INPP5D: variants seen among roughly 807,000 people sequenced by gnomAD.
The protein encoded by INPP5D is inositol polyphosphate-5-phosphatase D.
Under a neutral mutation model 122.9 loss-of-function variants are expected in INPP5D, and 33 were observed. The observed-to-expected ratio is 0.27, with a 90% CI of 0.20 to 0.36. The LOEUF is 0.36. Among genes scored for constraint, INPP5D ranks in the 10% least tolerant of loss-of-function variants. The pLI is 1.00. For synonymous variants in INPP5D, 584 were observed against 576.2 expected (o/e 1.01, Z -0.19); for missense variants, 1,053 against 1,412.7 (o/e 0.75, Z 4.08).
At chr2:233,116,950 G>T (rs1306571763) in intron 2 of INPP5D, among the ~76,000 whole-genome samples, 1 of 152,172 alleles carries the variant, frequency 6.6e-6, no homozygotes, top group African/African-American at 2.4e-5. Context: ...TCTTGGTTTT[G>T]TTCAAAATCA....
chr2:233,139,453 G>T (rs950710790), intron 5 of INPP5D, among the ~76,000 whole-genome samples: 1 of 143,884 alleles, frequency 7.0e-6, no homozygotes, highest in Non-Finnish European at 1.5e-5. Flanking sequence ...CCAGAAATTT[G>T]CATTGTTAAC....
Position 233,133,656 on chromosome 2 carries a change from G to A in INPP5D, c.665+3008G>A, listed in dbSNP as rs540359281. ...ATCTGAAATTCAAATTTCACTGGGT[G>A]TCCTGTGTTTTACCTGGTCACTGTA... On this transcript the variant is annotated intron_variant, in intron 5 of 26. Coordinates refer to ENST00000445964, the MANE Select transcript of INPP5D (RefSeq NM_001017915.3). Among the ~76,000 whole-genome samples the A allele has an allele frequency of 2.1e-4, 32 of 152,318 alleles. No homozygotes were observed. In the South Asian group the frequency reaches 6.2e-3, roughly 30 times the overall value.
At chr2:233,132,851 C>T (rs1239411005) in intron 5 of INPP5D, among the ~76,000 whole-genome samples, 1 of 150,896 alleles carries the variant, frequency 6.6e-6, no homozygotes, top group Non-Finnish European at 1.5e-5. Flanking sequence ...CAGTGAGGCA[C>T]ACAACAGTAG....
intron 2 of INPP5D, among the ~76,000 whole-genome samples, chr2:233,081,503 C>A (rs551889041): frequency 6.6e-6 from 1 of 152,194 alleles, no homozygotes; most frequent in Non-Finnish European, 1.5e-5. Flanking sequence ...CGGCACCCGC[C>A]GCCTGTAAAT....
At chr2:233,136,824 A>G (rs1481744041) in intron 5 of INPP5D, among the ~76,000 whole-genome samples, 11 of 152,250 alleles carry the variant, frequency 7.2e-5, no homozygotes, top group Admixed American at 6.5e-5. Context: ...TCAATTAAGA[A>G]AGTTTTAAAC....
intron 25 of INPP5D, among the ~76,000 whole-genome samples, chr2:233,203,902 G>A (rs369982636): frequency 5.9e-5 from 9 of 152,116 alleles, no homozygotes; most frequent in East Asian, 3.9e-4. Flanking sequence ...AGCCATGACC[G>A]CACCACTGCA....
Position 233,194,018 on chromosome 2 carries a change from C to T in INPP5D, c.2596+57C>T, listed in dbSNP as rs951470443. On this transcript the variant is annotated intron_variant, in intron 23 of 26. Coordinates refer to ENST00000445964, the MANE Select transcript of INPP5D (RefSeq NM_001017915.3). ...TCAGCCCCCCACTTAGGGACGGGAACGTGCTTTCTCTCAGCAAAGCTGTCG... is the reference window on the plus strand; with the variant it reads ...TCAGCCCCCCACTTAGGGACGGGAATGTGCTTTCTCTCAGCAAAGCTGTCG... 7.3e-6 allele frequency: 11 copies of T among 1,500,576 alleles called. No homozygotes were observed. In the South Asian group the frequency reaches 8.0e-5, roughly 11 times the overall value. The allele number at this position is 1,500,576 out of a possible 1,614,324, so 93.0% of individuals were successfully genotyped here. A position where few individuals can be genotyped will look rare whatever the true frequency, so the allele number is the denominator to read the frequency against.
chr2:233,200,472 T>A (rs1211624490), intron 25 of INPP5D, among the ~76,000 whole-genome samples: 1 of 152,208 alleles, frequency 6.6e-6, no homozygotes, highest in Non-Finnish European at 1.5e-5. Flanking sequence ...ACTGGTTTTT[T>A]CTTCATCCTT....
chr2:233,121,508 A>AATTTTATTTT (rs1692977542), intron 2 of INPP5D, among the ~76,000 whole-genome samples: 1 of 98,210 alleles, frequency 1.0e-5, no homozygotes, highest in Non-Finnish European at 2.3e-5. Context: ...GTATAAAAAT[A>AATTTTATTTT]CTTTTATTTT....
At chr2:233,179,240 T>G (rs1436832656) in intron 18 of INPP5D, among the ~76,000 whole-genome samples, 1 of 152,186 alleles carries the variant, frequency 6.6e-6, no homozygotes, top group East Asian at 1.9e-4. Context: ...TCCTCACTTG[T>G]GCATTCCCTC....
At chr2:233,162,009 A>G (rs1414818332) in intron 11 of INPP5D, among the ~76,000 whole-genome samples, 183 bp downstream of exon 11, 5 of 152,084 alleles carry the variant, frequency 3.3e-5, no homozygotes. Flanking sequence ...CCTTTTCCTG[A>G]GATGATGGGT....
intron 5 of INPP5D, among the ~76,000 whole-genome samples, chr2:233,132,163 ACTTT>A (rs1693346224): frequency 6.6e-6 from 1 of 152,244 alleles, no homozygotes; most frequent in Non-Finnish European, 1.5e-5. Context: ...CACATACAGC[ACTTT>A]CTTTTTATAA....
chr2:233,125,631 C>T (rs538671324), intron 3 of INPP5D, 114 bp from the exon 4 acceptor site: 695 of 915,704 alleles, frequency 7.6e-4, no homozygotes, highest in African/African-American at 2.5e-3. Context: ...GACACGGGGA[C>T]GCAGATGGAG....
At chr2:233,145,596 C>T (rs1413361794) in intron 6 of INPP5D, among the ~76,000 whole-genome samples, 1 of 152,032 alleles carries the variant, frequency 6.6e-6, no homozygotes, top group African/African-American at 2.4e-5. Flanking sequence ...AGGAGTTGCC[C>T]CTCCCAGGGG....
Position 233,160,299 on chromosome 2 carries a change from T to C in INPP5D, c.1138-1425T>C, listed in dbSNP as rs539214129. ...GTTACACCCTGAAATTTGTGTACTT[T>C]GTTAAAGTCCGCCTGCTCTATTGAT... On this transcript the variant is annotated intron_variant, in intron 10 of 26. Transcript: ENST00000445964. This position sits in a 1 kb window ranked among gnomAD's most constrained non-coding sequence, Gnocchi z 4.2. 1.3e-5 allele frequency among the ~76,000 whole-genome samples: 2 copies of C among 152,376 alleles called. No homozygotes were observed. Among genetic ancestry groups the C allele is most frequent in the East Asian group, 1.9e-4 (1 of 5,186 alleles).
Position 233,185,716 on chromosome 2 carries a change from A to T in INPP5D, c.2276-127A>T, listed in dbSNP as rs1424336490. On this transcript the variant is annotated intron_variant, in intron 20 of 26. Coordinates refer to ENST00000445964, the MANE Select transcript of INPP5D (RefSeq NM_001017915.3). The stretch of plus-strand genomic sequence containing the variant: ...TAAATGATGCTGAGGCCCCGAGATA[A>T]AAAAAAAAAAAAAAAAAAAAAGGAG... 4.4e-3 allele frequency: 741 copies of T among 169,880 alleles called. 1 individual carries two copies. The African/African-American group carries it at 0.05, about 11-fold the overall frequency. 10.5% of individuals were successfully genotyped at this position (169,880 alleles called of 1,614,324 possible).
intron 9 of INPP5D, among the ~76,000 whole-genome samples, chr2:233,156,407 A>G (rs1053516607): frequency 2.0e-5 from 3 of 152,226 alleles, no homozygotes; most frequent in East Asian, 1.9e-4. Context: ...CTCCTGCCTC[A>G]GCCTCCTGAG....
At chr2:233,080,798 C>T (rs944597538) in intron 2 of INPP5D, among the ~76,000 whole-genome samples, 7 of 152,194 alleles carry the variant, frequency 4.6e-5, no homozygotes, top group Middle Eastern at 3.4e-3. Flanking sequence ...AGAGGGAGAG[C>T]GTGGTGAGCA....
At position 233,204,277 on chromosome 2, in the gene INPP5D, C is replaced by A. The variant is rs1695418111; in HGVS notation, c.3127C>A (p.Pro1043Thr). ...PRKDQESPKM[P>T]RKEPPPCPEP... ...GAAGGACCAGGAATCCCCCAAAATG[C>A]CGCGGAAGGAACCCCCGCCCTGCCC... The change falls in exon 26 of 27, where the codon CCG becomes ACG. Residue 1043 changes from proline to threonine, a missense_variant. By Grantham distance (38) the Pro-to-Thr change is conservative (BLOSUM62 -1). Transcript: ENST00000445964. The A allele has an allele frequency of 3.1e-6, 5 of 1,613,376 alleles. No individual in the cohort carries two copies. In the Admixed American group the frequency reaches 8.3e-5, roughly 27 times the overall value.
Sources: allele counts gnomAD v4.1 joint callset (sites outside exome capture counted in the v4.1 genomes callset), GRCh38; gene constraint gnomAD v4.1.1; non-coding constraint Gnocchi (gnomAD v3.1); transcripts MANE v1.5; gene names NCBI Gene and HGNC (gene_info 2026-07-23, HGNC 2026-07-21).